SCN11A: variants seen among roughly 807,000 people sequenced by gnomAD.
SCN11A encodes the protein sodium voltage-gated channel alpha subunit 11, also known as sodium channel protein type 11 subunit alpha.
A neutral mutation model predicts 162.2 loss-of-function variants in SCN11A; 122 were observed. That is an observed-to-expected ratio of 0.75 (90% CI 0.65 to 0.87). The LOEUF is 0.87. Ranked by LOEUF, SCN11A falls within the 40% of genes least tolerant of loss-of-function variation. The pLI, the probability that SCN11A is intolerant of heterozygous loss-of-function variation, is 0.00. For synonymous variants in SCN11A, 758 were observed against 751.5 expected, an observed-to-expected ratio of 1.01 and a Z score of -0.14; for missense variants, 2,015 against 2,181.6, an observed-to-expected ratio of 0.92 and a Z score of 1.52.
intron 23 of SCN11A, among the ~76,000 whole-genome samples, chr3:38,876,909 T>C (rs1269592889): frequency 6.6e-6 from 1 of 151,704 alleles, no homozygotes; most frequent in Non-Finnish European, 1.5e-5. Flanking sequence ...CACACGTTTA[T>C]AGCAGCACAA....
chr3:38,926,929 C>A lies in SCN11A; in HGVS notation c.491G>T (p.Cys164Phe). The A allele has an allele frequency of 6.2e-7, 1 of 1,611,294 alleles. No individual in the cohort carries two copies. Among genetic ancestry groups the A allele is most frequent in the Non-Finnish European group, 8.5e-7 (1 of 1,178,508 alleles). Residue 164 changes from cysteine (C) to phenylalanine (F), a missense_variant and splice_region_variant, in exon 8 of 30, where the codon TGT becomes TTT. Transcript: ENST00000302328. Reference protein sequence around the residue: ...SNSNNTDIAECVFTGIYIFEA... With the variant: ...SNSNNTDIAEFVFTGIYIFEA... ...AAAAATATAAATCCCAGTGAAGACA[C>A]ACCTAAAAAGCAAATCATTTACAAC...
At chr3:38,934,322 A>T (rs1171743017) in intron 7 of SCN11A, among the ~76,000 whole-genome samples, 2 of 152,220 alleles carry the variant, frequency 1.3e-5, no homozygotes, top group African/African-American at 4.8e-5. Context: ...TCAACTAATG[A>T]GCAAAATAAC....
At chr3:38,886,341 A>G in intron 19 of SCN11A, 103 bp from the exon 20 acceptor site, 1 of 665,084 alleles carries the variant, frequency 1.5e-6, no homozygotes, top group South Asian at 2.4e-5. Context: ...TCATGAGAAT[A>G]AGCCTTTGAC....
At chr3:38,896,518 A>G (rs1175873777) in intron 18 of SCN11A, among the ~76,000 whole-genome samples, 1 of 152,224 alleles carries the variant, frequency 6.6e-6, no homozygotes, top group Non-Finnish European at 1.5e-5. Flanking sequence ...GCTCCAGTGG[A>G]CATCTCTTTA....
intron 1 of SCN11A, among the ~76,000 whole-genome samples, chr3:39,048,661 C>A (rs926327098): frequency 6.6e-6 from 1 of 152,130 alleles, no homozygotes; most frequent in Non-Finnish European, 1.5e-5. Context: ...AAAAAGGAGT[C>A]ATCTAATCCC....
At chr3:39,014,290 G>T (rs756682493) in intron 2 of SCN11A, among the ~76,000 whole-genome samples, 9 of 152,132 alleles carry the variant, frequency 5.9e-5, no homozygotes, top group Non-Finnish European at 2.9e-5. Context: ...TGGAACTATT[G>T]TGTCTCCTGA....
chr3:39,021,668 G>A (rs766317082), intron 2 of SCN11A, among the ~76,000 whole-genome samples: 3 of 152,150 alleles, frequency 2.0e-5, no homozygotes, highest in Non-Finnish European at 4.4e-5. Context: ...TGTGGGAAAG[G>A]ATGGTTCTTT....
chr3:38,886,385 C>T, intron 19 of SCN11A, 147 bp from the exon 20 acceptor site: 1 of 483,826 alleles, frequency 2.1e-6, no homozygotes. Context: ...GAAACTGCTC[C>T]TGGAAAAACT....
intron 1 of SCN11A, among the ~76,000 whole-genome samples, chr3:39,034,070 G>A (rs2031834861): frequency 6.6e-6 from 1 of 152,108 alleles, no homozygotes; most frequent in South Asian, 2.1e-4. Flanking sequence ...GCTGAAGCAG[G>A]AGAATTGCTT....
chr3:38,952,016 C>T (rs2066627804), intron 4 of SCN11A, among the ~76,000 whole-genome samples: 1 of 152,116 alleles, frequency 6.6e-6, no homozygotes, highest in Non-Finnish European at 1.5e-5. Context: ...CTTGCTACTG[C>T]TTACTCTTTG....
intron 7 of SCN11A, among the ~76,000 whole-genome samples, chr3:38,944,614 C>T (rs1171890366): frequency 1.3e-5 from 2 of 151,836 alleles, no homozygotes; most frequent in African/African-American, 2.4e-5. Flanking sequence ...GCATGAGCCA[C>T]CACGCCCAGC....
intron 19 of SCN11A, among the ~76,000 whole-genome samples, chr3:38,894,267 A>C (rs2065547959): frequency 6.6e-6 from 1 of 152,168 alleles, no homozygotes; most frequent in Non-Finnish European, 1.5e-5. Context: ...CATTTCTTGT[A>C]GAGTTCAACC....
intron 2 of SCN11A, among the ~76,000 whole-genome samples, chr3:38,995,245 C>T (rs1054137905): frequency 6.6e-5 from 10 of 151,890 alleles, no homozygotes; most frequent in African/African-American, 1.2e-4. Context: ...CTCAGCCTCC[C>T]GAGTACCTGG....
intron 1 of SCN11A, among the ~76,000 whole-genome samples, chr3:39,047,578 G>A (rs933266888): frequency 6.6e-6 from 1 of 152,054 alleles, no homozygotes; most frequent in African/African-American, 2.4e-5. Context: ...ACAATCAATA[G>A]AGGAATGAGA....
intron 28 of SCN11A, among the ~76,000 whole-genome samples, chr3:38,858,084 C>T (rs578003723): frequency 5.9e-5 from 9 of 152,142 alleles, no homozygotes; most frequent in Admixed American, 2.0e-4. Context: ...ATAATTCTCA[C>T]GGGGCCTATA....
intron 24 of SCN11A, among the ~76,000 whole-genome samples, 196 bp from the exon 25 acceptor site, chr3:38,871,904 G>A (rs1317055187): frequency 2.6e-5 from 4 of 152,126 alleles, no homozygotes; most frequent in Non-Finnish European, 5.9e-5. Context: ...TGTTGCCACT[G>A]AGGATACCTT....
chr3:39,021,632 A>G (rs1040044144), intron 2 of SCN11A, among the ~76,000 whole-genome samples: 1 of 152,126 alleles, frequency 6.6e-6, no homozygotes, highest in Non-Finnish European at 1.5e-5. Context: ...GTTAACAGGC[A>G]TTTGTTCTGA....
At chr3:38,979,375 G>A (rs1224878757) in intron 2 of SCN11A, among the ~76,000 whole-genome samples, 1 of 152,160 alleles carries the variant, frequency 6.6e-6, no homozygotes, top group Non-Finnish European at 1.5e-5. Context: ...TCTCCGGTGA[G>A]GTCACCACTG....
At chr3:39,001,551 C>T (rs1195042538) in intron 2 of SCN11A, among the ~76,000 whole-genome samples, 1 of 152,192 alleles carries the variant, frequency 6.6e-6, no homozygotes, top group Non-Finnish European at 1.5e-5. Flanking sequence ...ATTGTTTCTA[C>T]TTCTACATCT....
Sources: gnomAD v4.1 joint callset for allele counts (sites outside exome capture counted in the v4.1 genomes callset) on GRCh38, gnomAD v4.1.1 for gene constraint, MANE v1.5 for transcripts, NCBI Gene and HGNC (gene_info 2026-07-23, HGNC 2026-07-21) for gene names.